Variants in TMC1 observed in about 807,000 individuals in gnomAD.
The protein encoded by TMC1 is transmembrane channel-like protein 1.
Under a neutral mutation model 105.8 loss-of-function variants are expected in TMC1, and 84 were observed. The observed-to-expected ratio is 0.79, with a 90% CI of 0.67 to 0.95. The LOEUF is 0.95. TMC1 is among the 40% of genes least tolerant of loss of function. TMC1 has a pLI of 0.00. For synonymous variants in TMC1, 315 were observed against 311.5 expected (o/e 1.01, Z -0.12); for missense variants, 817 against 914.1 (o/e 0.89, Z 1.37).
chr9:72,608,699 T>A (rs545700964), intron 2 of TMC1, among the ~76,000 whole-genome samples: 4 of 98,476 alleles, frequency 4.1e-5, no homozygotes, highest in Non-Finnish European at 5.9e-5. Flanking sequence ...AGAGACTTCA[T>A]CTCAAAAAAA....
chr9:72,624,262 T>A (rs1335246551), intron 3 of TMC1, among the ~76,000 whole-genome samples: 1 of 152,130 alleles, frequency 6.6e-6, no homozygotes, highest in Non-Finnish European at 1.5e-5. Context: ...GCACAAGAAC[T>A]GGGGTGGCTA....
At position 72,769,091 on chromosome 9, in the gene TMC1, G is replaced by A. The variant is rs535721786; in HGVS notation, c.742-3322G>A. Among the ~76,000 whole-genome samples the A allele has an allele frequency of 3.0e-4, 45 of 152,340 alleles. No individual in the cohort carries two copies. In the South Asian group the frequency reaches 8.9e-3, roughly 30 times the overall value. Reference sequence around the variant, plus strand: ...AGCACAGGAGAAGCAGTATAGTGCAGTGGTTAAGCATATAGGATTTGGATT... The same window carrying A: ...AGCACAGGAGAAGCAGTATAGTGCAATGGTTAAGCATATAGGATTTGGATT... On this transcript the variant is annotated intron_variant, in intron 12 of 23. Coordinates refer to ENST00000297784, the MANE Select transcript of TMC1 (RefSeq NM_138691.3).
At chr9:72,801,476 A>T (rs1828471190) in intron 17 of TMC1, among the ~76,000 whole-genome samples, 1 of 152,206 alleles carries the variant, frequency 6.6e-6, no homozygotes, top group Non-Finnish European at 1.5e-5. Flanking sequence ...CTGCTTACAG[A>T]GTTTGTGTCT....
At chr9:72,525,987 C>CAAA (rs36080162) in intron 1 of TMC1, among the ~76,000 whole-genome samples, 1 of 137,366 alleles carries the variant, frequency 7.3e-6, no homozygotes, top group Non-Finnish European at 1.6e-5. Flanking sequence ...GACTCCGTCT[C>CAAA]AAAAAAAAAA....
At chr9:72,725,140 T>G (rs945061049) in intron 8 of TMC1, among the ~76,000 whole-genome samples, 2 of 151,768 alleles carry the variant, frequency 1.3e-5, no homozygotes, top group Admixed American at 1.3e-4. Context: ...GCCATGTTTA[T>G]GTATATGAGC....
intron 1 of TMC1, among the ~76,000 whole-genome samples, chr9:72,561,490 A>G (rs1260445782): frequency 6.6e-6 from 1 of 152,168 alleles, no homozygotes; most frequent in East Asian, 1.9e-4. Context: ...AAGGCTGACC[A>G]AAGTTGGCGC....
At chr9:72,525,273 T>C (rs973107203) in intron 1 of TMC1, among the ~76,000 whole-genome samples, 5 of 152,228 alleles carry the variant, frequency 3.3e-5, no homozygotes, top group African/African-American at 7.2e-5. Flanking sequence ...CTATTCCTTG[T>C]AAGTAGGACA....
chr9:72,674,722 C>T (rs1261802469), intron 5 of TMC1, among the ~76,000 whole-genome samples: 1 of 152,182 alleles, frequency 6.6e-6, no homozygotes, highest in East Asian at 1.9e-4. Context: ...TTGGCCTTTC[C>T]CTGCTAGAAA....
intron 13 of TMC1, among the ~76,000 whole-genome samples, chr9:72,785,754 C>T (rs959140738): frequency 6.6e-6 from 1 of 152,080 alleles, no homozygotes; most frequent in Non-Finnish European, 1.5e-5. Flanking sequence ...TCACAGTACT[C>T]GAAACATCAT....
chr9:72,772,013 T>C (rs966589827), intron 12 of TMC1, among the ~76,000 whole-genome samples: 2 of 152,146 alleles, frequency 1.3e-5, no homozygotes, highest in Non-Finnish European at 2.9e-5. Context: ...TGATTGGAAA[T>C]GGAAATCTGC....
At chr9:72,619,111 G>A (rs986681227) in intron 3 of TMC1, among the ~76,000 whole-genome samples, 1 of 152,120 alleles carries the variant, frequency 6.6e-6, no homozygotes, top group Non-Finnish European at 1.5e-5. Flanking sequence ...ATACTGAAAA[G>A]CAGATACACT....
At chr9:72,611,289 T>C (rs544487201) in intron 2 of TMC1, among the ~76,000 whole-genome samples, 1 of 152,262 alleles carries the variant, frequency 6.6e-6, no homozygotes, top group South Asian at 2.1e-4. Context: ...CAAAGAACTA[T>C]AAGAAGATCA....
At chr9:72,817,911 G>A (rs1408516453) in intron 19 of TMC1, among the ~76,000 whole-genome samples, 2 of 152,166 alleles carry the variant, frequency 1.3e-5, no homozygotes, top group Non-Finnish European at 2.9e-5. Flanking sequence ...AGAATATTGA[G>A]TTTTTTGAGC....
intron 17 of TMC1, among the ~76,000 whole-genome samples, chr9:72,798,414 T>C (rs1828410233): frequency 6.6e-6 from 1 of 152,086 alleles, no homozygotes; most frequent in South Asian, 2.1e-4. Flanking sequence ...ATGTGAATGT[T>C]CATTGCAGCA....
intron 5 of TMC1, among the ~76,000 whole-genome samples, chr9:72,678,886 T>C (rs749492851): frequency 2.4e-4 from 37 of 152,076 alleles, no homozygotes; most frequent in Non-Finnish European, 4.4e-4. Context: ...CATAAATTCT[T>C]TTCTTTATTC....
intron 5 of TMC1, chr9:72,651,101 CACAT>C (rs1200191918): frequency 6.8e-6 from 1 of 146,788 alleles, no homozygotes; most frequent in Non-Finnish European, 1.5e-5. Context: ...ATATATATAT[CACAT>C]ATATATAGCA....
chr9:72,733,767 A>G (rs969757419), intron 8 of TMC1, among the ~76,000 whole-genome samples: 5 of 152,222 alleles, frequency 3.3e-5, no homozygotes, highest in Non-Finnish European at 7.3e-5. Context: ...CAGAAAAACT[A>G]GCAAGAATTT....
chr9:72,551,793 A>G (rs1823863937), intron 1 of TMC1, among the ~76,000 whole-genome samples: 1 of 152,210 alleles, frequency 6.6e-6, no homozygotes, highest in Non-Finnish European at 1.5e-5. Context: ...CTCTGATCCA[A>G]TATGGCCGGC....
intron 3 of TMC1, among the ~76,000 whole-genome samples, chr9:72,618,963 C>T (rs749412327): frequency 2.6e-5 from 4 of 152,088 alleles, no homozygotes; most frequent in Non-Finnish European, 4.4e-5. Flanking sequence ...CCAGTAGCAA[C>T]GACAATAAAC....
Sources: gnomAD v4.1 joint callset for allele counts (sites outside exome capture counted in the v4.1 genomes callset) on GRCh38, gnomAD v4.1.1 for gene constraint, MANE v1.5 for transcripts, NCBI Gene and HGNC (gene_info 2026-07-23, HGNC 2026-07-21) for gene names.